The following BLMH variants were observed in gnomAD, a reference collection of about 807,000 sequenced individuals.
BLMH encodes BLM hydrolase.
BLMH carries 32 observed loss-of-function variants against 61.6 expected under a neutral mutation model. That is an observed-to-expected ratio of 0.52 (90% confidence interval 0.39 to 0.70). BLMH has a LOEUF of 0.70. BLMH is among the 30% of genes least tolerant of loss of function. BLMH has a pLI of 0.00. For synonymous variants in BLMH, 183 were observed against 193.8 expected (o/e 0.94, Z 0.46); for missense variants, 460 against 555.5 (o/e 0.83, Z 1.73).
At chr17:30,260,113 A>G in intron 11 of BLMH, among the ~76,000 whole-genome samples, 1 of 152,182 alleles carries the variant, frequency 6.6e-6, no homozygotes, top group East Asian at 1.9e-4. Context: ...CCTACGAGAT[A>G]GGTCCAATTA....
At chr17:30,266,532 A>C (rs981210957) in intron 11 of BLMH, among the ~76,000 whole-genome samples, 12 of 149,768 alleles carry the variant, frequency 8.0e-5, no homozygotes, top group Non-Finnish European at 1.6e-4. Flanking sequence ...CCAAAAAAAA[A>C]AAAAAAGAAA....
intron 6 of BLMH, 70 bp downstream of exon 6, chr17:30,285,318 A>T: frequency 9.4e-7 from 1 of 1,069,386 alleles, no homozygotes; most frequent in Non-Finnish European, 1.4e-6. Flanking sequence ...CCTAATCATT[A>T]CTTTAACAGA....
intron 11 of BLMH, among the ~76,000 whole-genome samples, chr17:30,256,036 G>A (rs899732670): frequency 6.6e-6 from 1 of 152,078 alleles, no homozygotes; most frequent in African/African-American, 2.4e-5. Context: ...ACAGACGTGC[G>A]CCTCCTCACC....
chr17:30,291,463 G>A lies in BLMH; in HGVS notation c.59C>T (p.Ser20Phe). Residue 20 changes from serine (S) to phenylalanine (F), a missense_variant, in exon 2 of 12, where the codon TCC becomes TTC. Around this residue, in one of 5 missense-constraint regions of BLMH, gnomAD observed 86 missense variants for 84.5 expected, o/e 1.02. Transcript: ENST00000261714. ...KVAALIQKLN[S>F]DPQFVLAQNV... ...CTGGGCAAGTACGAACTGGGGGTCG[G>A]AATTCAGTTTCTGTATCAGAGCAGC... The A allele has an allele frequency of 6.2e-7, 1 of 1,614,212 alleles. No individual in the cohort carries two copies. The highest frequency in any genetic ancestry group is 1.3e-5 in the African/African-American group (1 of 75,052).
intron 11 of BLMH, among the ~76,000 whole-genome samples, chr17:30,262,199 T>G (rs1907976520): frequency 6.6e-6 from 1 of 152,180 alleles, no homozygotes; most frequent in Non-Finnish European, 1.5e-5. Flanking sequence ...CTGGACCAAA[T>G]AAGCATTAAG....
intron 9 of BLMH, chr17:30,271,606 A>C (rs1908273025): frequency 2.5e-6 from 1 of 403,852 alleles, no homozygotes; most frequent in Admixed American, 3.8e-5. Context: ...CAGGAAAAAA[A>C]GGAGATGATT....
At chr17:30,264,746 G>A (rs1282399740) in intron 11 of BLMH, among the ~76,000 whole-genome samples, 1 of 152,154 alleles carries the variant, frequency 6.6e-6, no homozygotes, top group East Asian at 1.9e-4. Context: ...AACCAAATTA[G>A]ACCAGAAATG....
Position 30,287,912 on chromosome 17 carries a change from C to G in BLMH, c.357G>C (p.Val119=), listed in dbSNP as rs1489084380. 5.6e-6 allele frequency: 9 copies of G among 1,613,896 alleles called. No individual in the cohort carries two copies. Among genetic ancestry groups the G allele is most frequent in the Non-Finnish European group, 7.6e-6 (9 of 1,179,886 alleles). ...CAGGCTCCTTTCTCTGGGCTGTGTC[C>G]ACAAAAGCACTCAAGAAGAAATAAC... ...ERCYFFLSAF[V]DTAQRKEPED... Residue 119 remains valine (V), a synonymous_variant, in exon 4 of 12, where the codon GTG becomes GTC. Coordinates refer to ENST00000261714, the MANE Select transcript of BLMH (RefSeq NM_000386.4).
intron 10 of BLMH, among the ~76,000 whole-genome samples, chr17:30,269,599 AT>A (rs1250683952): frequency 2.6e-5 from 4 of 152,130 alleles, no homozygotes; most frequent in Non-Finnish European, 5.9e-5. Context: ...ACTTTTCTTG[AT>A]CTACATAAGT....
intron 11 of BLMH, among the ~76,000 whole-genome samples, chr17:30,253,688 A>C (rs888855695): frequency 6.6e-6 from 1 of 152,214 alleles, no homozygotes; most frequent in African/African-American, 2.4e-5. Flanking sequence ...AAAGAAAAGA[A>C]AACAAAATAA....
chr17:30,256,511 G>A (rs1040743496), intron 11 of BLMH, among the ~76,000 whole-genome samples: 1 of 152,112 alleles, frequency 6.6e-6, no homozygotes, highest in Non-Finnish European at 1.5e-5. Flanking sequence ...CGTATTTTTA[G>A]TGGAGACGGG....
At chr17:30,278,675 T>C (rs1237138169) in intron 6 of BLMH, among the ~76,000 whole-genome samples, 5 of 151,968 alleles carry the variant, frequency 3.3e-5, no homozygotes, top group African/African-American at 1.2e-4. Context: ...ACTTTTTTTG[T>C]GGGGGGGAGC....
At chr17:30,264,005 G>A (rs763446460) in intron 11 of BLMH, among the ~76,000 whole-genome samples, 13 of 152,218 alleles carry the variant, frequency 8.5e-5, no homozygotes, top group Non-Finnish European at 1.9e-4. Flanking sequence ...TAGGATGACA[G>A]ACAAGAAGGC....
intron 10 of BLMH, among the ~76,000 whole-genome samples, chr17:30,270,885 G>A (rs931991900): frequency 6.6e-6 from 1 of 152,184 alleles, no homozygotes; most frequent in Non-Finnish European, 1.5e-5. Context: ...AAAAGAATCT[G>A]AATGACAAAT....
intron 2 of BLMH, among the ~76,000 whole-genome samples, chr17:30,289,731 T>G (rs1279123757): frequency 6.6e-6 from 1 of 152,202 alleles, no homozygotes; most frequent in African/African-American, 2.4e-5. Flanking sequence ...TTTTTCAGAG[T>G]AATGCCTTCT....
chr17:30,269,045 AAACAAAAAAACAAC>A (rs1567834630), intron 10 of BLMH, among the ~76,000 whole-genome samples: 1 of 151,632 alleles, frequency 6.6e-6, no homozygotes, highest in East Asian at 1.9e-4. Context: ...GTCTCAAAAA[AAACAAAAAAACAAC>A]AACAAAAAAA....
chr17:30,286,896 T>C lies in BLMH; in HGVS notation c.470A>G (p.Tyr157Cys), dbSNP rs1251062435. The change falls in exon 5 of 12, where the codon TAT (tyrosine) becomes TGT (cysteine). Residue 157 changes from tyrosine to cysteine, a missense_variant. Coordinates refer to ENST00000261714, the MANE Select transcript of BLMH (RefSeq NM_000386.4). The part of the protein sequence containing the change: ...WDMLVNIVEK[Y>C]GVIPKKCFPE... Reference sequence around the variant, plus strand: ...GAAGCATTTCTTAGGGATAACACCATATTTTTCTAAAAGAAAACAAATTCT... The same window carrying C: ...GAAGCATTTCTTAGGGATAACACCACATTTTTCTAAAAGAAAACAAATTCT... 6.3e-7 allele frequency: 1 copy of C among 1,577,750 alleles called. No homozygotes were observed. The highest frequency in any genetic ancestry group is 8.7e-7 in the Non-Finnish European group (1 of 1,150,440).
At chr17:30,282,005 G>C (rs1041603522) in intron 6 of BLMH, among the ~76,000 whole-genome samples, 6 of 152,042 alleles carry the variant, frequency 3.9e-5, no homozygotes, top group African/African-American at 1.4e-4. Flanking sequence ...AATCATAAAG[G>C]CTTCTTTTCC....
chr17:30,266,845 G>A (rs751798334), intron 11 of BLMH, 40 bp downstream of exon 11: 2 of 1,578,320 alleles, frequency 1.3e-6, no homozygotes, highest in African/African-American at 1.3e-5. Context: ...AGTAGAGCAG[G>A]CCCAGTCACC....
Sources: allele counts gnomAD v4.1 joint callset (sites outside exome capture counted in the v4.1 genomes callset), GRCh38; gene constraint gnomAD v4.1.1; regional missense constraint gnomAD v4.1.1; transcripts MANE v1.5; gene names NCBI Gene and HGNC (gene_info 2026-07-23, HGNC 2026-07-21).